AMPH: variants seen among roughly 807,000 people sequenced by gnomAD.
The protein encoded by AMPH is amphiphysin.
Under a neutral mutation model 99.1 loss-of-function variants are expected in AMPH, and 49 were observed. That is an observed-to-expected ratio of 0.49 (90% CI 0.39 to 0.63). AMPH has a LOEUF of 0.63. Among genes scored for constraint, AMPH ranks in the 20% least tolerant of loss-of-function variants. AMPH has a pLI of 0.00. For missense variants in AMPH, 759 were observed against 863.4 expected (o/e 0.88, Z 1.52); for synonymous variants, 314 against 317.3 (o/e 0.99, Z 0.11).
chr7:38,437,808 C>T (rs940410648), intron 11 of AMPH, among the ~76,000 whole-genome samples: 1 of 150,976 alleles, frequency 6.6e-6, no homozygotes, highest in Non-Finnish European at 1.5e-5. Flanking sequence ...CATTCCCCCC[C>T]AAAAATAAAA....
intron 11 of AMPH, among the ~76,000 whole-genome samples, chr7:38,438,051 A>G (rs1234484159): frequency 6.6e-6 from 1 of 152,182 alleles, no homozygotes; most frequent in African/African-American, 2.4e-5. Context: ...CCGATTCCCT[A>G]TTCAAAATCT....
At chr7:38,494,586 C>A in intron 3 of AMPH, 59 bp from the exon 4 acceptor site, 3 of 1,457,078 alleles carry the variant, frequency 2.1e-6, no homozygotes, top group South Asian at 2.3e-5. Context: ...TCTCTTCTCC[C>A]TTCCTCCACT....
At chr7:38,624,390 A>G (rs1315175467) in intron 1 of AMPH, among the ~76,000 whole-genome samples, 1 of 151,972 alleles carries the variant, frequency 6.6e-6, no homozygotes, top group Non-Finnish European at 1.5e-5. Flanking sequence ...TATTAGTATT[A>G]GTATTAGTAT....
intron 15 of AMPH, among the ~76,000 whole-genome samples, chr7:38,425,440 CA>C (rs1311229080): frequency 6.6e-6 from 1 of 152,168 alleles, no homozygotes; most frequent in Non-Finnish European, 1.5e-5. Context: ...GAAAACTAAG[CA>C]TATCAATCAA....
At chr7:38,450,683 T>TTGGTCAGCTTGGCATTTCAC (rs1314626945) in intron 11 of AMPH, among the ~76,000 whole-genome samples, 13 of 152,178 alleles carry the variant, frequency 8.5e-5, no homozygotes, top group Admixed American at 8.5e-4. Flanking sequence ...ACTGTTCTTT[T>TTGGTCAGCTTGGCATTTCAC]TGGTCAGCTT....
intron 2 of AMPH, among the ~76,000 whole-genome samples, chr7:38,518,602 A>C (rs774773500): frequency 6.6e-6 from 1 of 152,144 alleles, no homozygotes; most frequent in Non-Finnish European, 1.5e-5. Context: ...TCCCCTTTAG[A>C]ATGGGAATGT....
chr7:38,407,534 T>C (rs971214566), intron 17 of AMPH, among the ~76,000 whole-genome samples: 2 of 151,940 alleles, frequency 1.3e-5, no homozygotes, highest in Non-Finnish European at 2.9e-5. Flanking sequence ...GGGTGATGGT[T>C]TAATAGAAGC....
At chr7:38,532,754 C>A (rs199923149) in intron 2 of AMPH, among the ~76,000 whole-genome samples, 16 of 83,818 alleles carry the variant, frequency 1.9e-4, no homozygotes, top group Non-Finnish European at 2.5e-4. Context: ...AAAAAAAAAA[C>A]AATGAAAATT....
intron 1 of AMPH, among the ~76,000 whole-genome samples, chr7:38,539,684 G>T (rs1427191291): frequency 6.6e-6 from 1 of 152,204 alleles, no homozygotes; most frequent in East Asian, 1.9e-4. Flanking sequence ...GTGAGGTCAC[G>T]GGAAAGGTCC....
In AMPH at chr7:38,621,938, A is replaced by G. The variant is rs562723031; in HGVS notation, c.69+9345T>C. On this transcript the variant is annotated intron_variant, in intron 1 of 20. Coordinates refer to ENST00000356264, the MANE Select transcript of AMPH (RefSeq NM_001635.4). The stretch of plus-strand genomic sequence containing the variant: ...AAATTTAGATCTCAAATCAATAAGA[A>G]TGATGTTTCAGCATTTCCATGTGGA... Among the ~76,000 whole-genome samples, 11 of 152,344 alleles carry G rather than the reference A, an allele frequency of 7.2e-5. No individual in the cohort carries two copies. The South Asian group carries it at 2.1e-3, about 29-fold the overall frequency.
chr7:38,551,983 A>C (rs1237612235), intron 1 of AMPH, among the ~76,000 whole-genome samples: 2 of 152,234 alleles, frequency 1.3e-5, no homozygotes, highest in Non-Finnish European at 2.9e-5. Flanking sequence ...AAACTAAAGG[A>C]TTACATAACT....
At chr7:38,470,870 C>T (rs188661902) in intron 7 of AMPH, among the ~76,000 whole-genome samples, 1 of 152,270 alleles carries the variant, frequency 6.6e-6, no homozygotes, top group African/African-American at 2.4e-5. Context: ...CCCTAAACAT[C>T]CAAACTATAG....
intron 3 of AMPH, among the ~76,000 whole-genome samples, chr7:38,501,983 TC>T (rs1291527131): frequency 6.6e-6 from 1 of 152,152 alleles, no homozygotes; most frequent in Non-Finnish European, 1.5e-5. Context: ...ATTTGATTAT[TC>T]ATGAGGATAA....
intron 1 of AMPH, among the ~76,000 whole-genome samples, chr7:38,621,888 A>ACATCTACAGC (rs1365645545): frequency 6.6e-6 from 1 of 152,216 alleles, no homozygotes; most frequent in African/African-American, 2.4e-5. Context: ...TTCAGGAAGT[A>ACATCTACAGC]CATCTACAGC....
At chr7:38,580,216 A>T (rs1186980421) in intron 1 of AMPH, among the ~76,000 whole-genome samples, 1 of 152,186 alleles carries the variant, frequency 6.6e-6, no homozygotes, top group Non-Finnish European at 1.5e-5. Flanking sequence ...GATGAAAAAA[A>T]TTAACAAATA....
chr7:38,580,522 G>A (rs951613854), intron 1 of AMPH, among the ~76,000 whole-genome samples: 2 of 152,030 alleles, frequency 1.3e-5, no homozygotes, highest in African/African-American at 2.4e-5. Context: ...GCCTGGGGTC[G>A]CCAAACCCCA....
chr7:38,501,984 C>A (rs1269924060), intron 3 of AMPH, among the ~76,000 whole-genome samples: 1 of 152,044 alleles, frequency 6.6e-6, no homozygotes, highest in African/African-American at 2.4e-5. Flanking sequence ...TTTGATTATT[C>A]ATGAGGATAA....
intron 1 of AMPH, among the ~76,000 whole-genome samples, chr7:38,566,142 C>G (rs774702980): frequency 6.6e-6 from 1 of 151,876 alleles, no homozygotes; most frequent in Non-Finnish European, 1.5e-5. Flanking sequence ...GTAGTATTTT[C>G]TACCTATTTA....
intron 14 of AMPH, among the ~76,000 whole-genome samples, chr7:38,427,501 C>T (rs1785824264): frequency 6.6e-6 from 1 of 152,146 alleles, no homozygotes; most frequent in Non-Finnish European, 1.5e-5. Flanking sequence ...TTTTTAGTAC[C>T]TGCATAGTAA....
Sources: gnomAD v4.1 joint callset for allele counts (sites outside exome capture counted in the v4.1 genomes callset) on GRCh38, gnomAD v4.1.1 for gene constraint, MANE v1.5 for transcripts, NCBI Gene and HGNC (gene_info 2026-07-23, HGNC 2026-07-21) for gene names.